The following PDZRN4 variants were observed in gnomAD, a reference collection of about 807,000 sequenced individuals.
PDZRN4 encodes PDZ domain containing ring finger 4.
PDZRN4 carries 70 observed loss-of-function variants against 99.0 expected under a neutral mutation model. The ratio of observed to expected loss-of-function variants is 0.71; its 90% CI spans 0.58 to 0.86. The LOEUF is 0.86. Ranked by LOEUF, PDZRN4 falls within the 40% of genes least tolerant of loss-of-function variation. The probability of loss-of-function intolerance (pLI) is 0.00; values close to 1 mark genes in which losing one functional copy is unlikely to be tolerated. For synonymous variants in PDZRN4, 551 were observed against 501.6 expected (o/e 1.10, Z -1.32); for missense variants, 1,474 against 1,331.2 (o/e 1.11, Z -1.67).
chr12:41,477,047 C>T (rs1937610082), intron 3 of PDZRN4, among the ~76,000 whole-genome samples: 4 of 152,190 alleles, frequency 2.6e-5, no homozygotes, highest in Admixed American at 2.6e-4. Context: ...AAATAACCTC[C>T]CGCTGAAGCA....
chr12:41,493,753 A>G (rs1446535241), intron 3 of PDZRN4, among the ~76,000 whole-genome samples: 2 of 151,652 alleles, frequency 1.3e-5, no homozygotes, highest in Non-Finnish European at 2.9e-5. Flanking sequence ...TTCACTTGGA[A>G]CTTTGTCCTA....
intron 3 of PDZRN4, among the ~76,000 whole-genome samples, chr12:41,239,903 G>T (rs1468476773): frequency 1.3e-5 from 2 of 152,232 alleles, no homozygotes; most frequent in East Asian, 1.9e-4. Context: ...TTTTTTCAGA[G>T]AAAAGATATT....
At chr12:41,349,921 T>C (rs1565559055) in intron 3 of PDZRN4, among the ~76,000 whole-genome samples, 1 of 151,900 alleles carries the variant, frequency 6.6e-6, no homozygotes, top group African/African-American at 2.4e-5. Flanking sequence ...AATTATAATA[T>C]ATATGAGGAA....
chr12:41,334,923 A>C (rs1165889624), intron 3 of PDZRN4, among the ~76,000 whole-genome samples: 1 of 151,956 alleles, frequency 6.6e-6, no homozygotes, highest in Non-Finnish European at 1.5e-5. Context: ...GAGTCTTTCA[A>C]CTCTGTCTGT....
chr12:41,432,248 C>T (rs1952592064), intron 3 of PDZRN4, among the ~76,000 whole-genome samples: 2 of 152,184 alleles, frequency 1.3e-5, no homozygotes, highest in Admixed American at 1.3e-4. Context: ...ATTTATATAC[C>T]TGTCACCGAT....
chr12:41,194,114 T>A lies in PDZRN4; in HGVS notation c.769T>A (p.Tyr257Asn). 1 of 1,560,316 alleles carries A rather than the reference T, an allele frequency of 6.4e-7. No homozygotes were observed. Among genetic ancestry groups the A allele is most frequent in the South Asian group, 1.1e-5 (1 of 90,234 alleles). The change falls in exon 3 of 10, where the codon TAC becomes AAC. Residue 257 changes from tyrosine (Y) to asparagine (N), a missense_variant. Coordinates refer to ENST00000402685, the MANE Select transcript of PDZRN4 (RefSeq NM_001164595.2). Reference sequence around the variant, plus strand: ...GGAAGGAACATCGACTGAAGGAATTTACGTTTCAAAAATTTTAGAAAATGG... The same window carrying A: ...GGAAGGAACATCGACTGAAGGAATTAACGTTTCAAAAATTTTAGAAAATGG... ...NQEGTSTEGIYVSKILENGPA... is the reference protein window; with the variant it reads ...NQEGTSTEGINVSKILENGPA...
intron 3 of PDZRN4, among the ~76,000 whole-genome samples, chr12:41,343,553 TAA>T (rs1292047744): frequency 2.0e-5 from 3 of 151,834 alleles, no homozygotes; most frequent in Non-Finnish European, 4.4e-5. Flanking sequence ...AAGAAGAGAA[TAA>T]AGCAGTGTTT....
intron 3 of PDZRN4, among the ~76,000 whole-genome samples, chr12:41,486,349 TG>T (rs1188250818): frequency 6.6e-6 from 1 of 152,174 alleles, no homozygotes; most frequent in African/African-American, 2.4e-5. Context: ...CCAGCCTAAC[TG>T]GGGTTCAAAC....
At chr12:41,492,139 T>C (rs1937899285) in intron 3 of PDZRN4, among the ~76,000 whole-genome samples, 1 of 151,812 alleles carries the variant, frequency 6.6e-6, no homozygotes, top group South Asian at 2.1e-4. Flanking sequence ...TCTCAAAAAA[T>C]AAAACAGCAA....
Position 41,509,852 on chromosome 12 carries a change from A to C in PDZRN4, c.1142A>C (p.Asp381Ala). The change falls in exon 5 of 10, where the codon GAC becomes GCC. Residue 381 changes from aspartate to alanine, a missense_variant. Transcript: ENST00000402685. Reference protein sequence around the residue: ...LHPMEHEFYEDNEYISSLPAD... With the variant: ...LHPMEHEFYEANEYISSLPAD... ...CCAATGGAGCATGAATTTTATGAGG[A>C]CAATGAGTATATTTCCAGCTTGCCT... 6.2e-7 allele frequency: 1 copy of C among 1,602,776 alleles called. No homozygotes were observed.
intron 3 of PDZRN4, among the ~76,000 whole-genome samples, chr12:41,429,448 G>A (rs769276307): frequency 3.4e-4 from 52 of 152,218 alleles, no homozygotes; most frequent in Non-Finnish European, 2.1e-4. Flanking sequence ...CAGGGAACCT[G>A]GAAGTTAATT....
intron 3 of PDZRN4, among the ~76,000 whole-genome samples, chr12:41,215,075 T>C (rs944203291): frequency 4.5e-4 from 69 of 152,086 alleles, no homozygotes; most frequent in African/African-American, 1.6e-3. Context: ...CACAGTTGCA[T>C]GGTAGGCCAC....
chr12:41,457,353 C>G (rs1302900715), intron 3 of PDZRN4, among the ~76,000 whole-genome samples: 1 of 152,188 alleles, frequency 6.6e-6, no homozygotes, highest in African/African-American at 2.4e-5. Flanking sequence ...ATTTTGCTAT[C>G]AGGTGCTTTG....
chr12:41,368,540 G>C (rs770702807), intron 3 of PDZRN4, among the ~76,000 whole-genome samples: 11 of 152,002 alleles, frequency 7.2e-5, no homozygotes, highest in Non-Finnish European at 1.3e-4. Flanking sequence ...AACAGAAGCT[G>C]TCAGCCATTA....
intron 3 of PDZRN4, among the ~76,000 whole-genome samples, chr12:41,390,841 TA>T (rs1380952582): frequency 6.6e-6 from 1 of 152,160 alleles, no homozygotes; most frequent in Non-Finnish European, 1.5e-5. Flanking sequence ...TCATTTATTT[TA>T]AAACAAAGAA....
chr12:41,384,977 G>A lies in PDZRN4; in HGVS notation c.844-121479G>A, dbSNP rs375413196. ...AAGATACACCTGATTGCATTAGAAAGTACAATGATGAATCCTACATTCTCA... is the reference window on the plus strand; with the variant it reads ...AAGATACACCTGATTGCATTAGAAAATACAATGATGAATCCTACATTCTCA... On this transcript the variant is annotated intron_variant, in intron 3 of 9. Transcript: ENST00000402685. Among the ~76,000 whole-genome samples, 15 of 152,170 alleles carry A rather than the reference G, an allele frequency of 9.9e-5. No individual in the cohort carries two copies. In the East Asian group the frequency reaches 2.1e-3, roughly 21 times the overall value.
At chr12:41,196,058 G>T (rs994877468) in intron 3 of PDZRN4, among the ~76,000 whole-genome samples, 3 of 152,030 alleles carry the variant, frequency 2.0e-5, no homozygotes, top group Admixed American at 6.5e-5. Flanking sequence ...AAAAGAAAAA[G>T]AATTTTTTAT....
At chr12:41,291,294 A>C (rs1565543319) in intron 3 of PDZRN4, among the ~76,000 whole-genome samples, 1 of 152,188 alleles carries the variant, frequency 6.6e-6, no homozygotes, top group Non-Finnish European at 1.5e-5. Flanking sequence ...CATAAGATTT[A>C]AATGGAAGGG....
At chr12:41,557,674 C>A (rs1480095518) in intron 7 of PDZRN4, among the ~76,000 whole-genome samples, 2 of 151,370 alleles carry the variant, frequency 1.3e-5, no homozygotes, top group Admixed American at 1.3e-4. Flanking sequence ...CTAGATAGTG[C>A]AGAGCTCCTT....
Sources: allele counts gnomAD v4.1 joint callset (sites outside exome capture counted in the v4.1 genomes callset), GRCh38; gene constraint gnomAD v4.1.1; transcripts MANE v1.5; gene names NCBI Gene and HGNC (gene_info 2026-07-23, HGNC 2026-07-21).